LPAR1: variants seen among roughly 807,000 people sequenced by gnomAD.
LPAR1 encodes LPA receptor 1.
In LPAR1, 5 loss-of-function variants were observed where a neutral mutation model predicts 23.8. The ratio of observed to expected loss-of-function variants is 0.21; its 90% CI spans 0.11 to 0.44. The LOEUF (loss-of-function observed/expected upper bound fraction) is 0.44. Among genes scored for constraint, LPAR1 ranks in the 20% least tolerant of loss-of-function variants. The pLI is 0.99. For synonymous variants in LPAR1, 160 were observed against 164.7 expected, an observed-to-expected ratio of 0.97 and a Z score of 0.22; for missense variants, 311 against 482.8, an observed-to-expected ratio of 0.64 and a Z score of 3.33.
At chr9:110,959,423 C>G (rs2095876374) in intron 4 of LPAR1, among the ~76,000 whole-genome samples, 1 of 151,804 alleles carries the variant, frequency 6.6e-6, no homozygotes, top group Non-Finnish European at 1.5e-5. Context: ...CAAGACCAGC[C>G]TGGGCAACAC....
intron 4 of LPAR1, among the ~76,000 whole-genome samples, chr9:110,954,179 A>G (rs2095660217): frequency 1.3e-5 from 2 of 152,300 alleles, no homozygotes; most frequent in South Asian, 4.1e-4. Flanking sequence ...AATACATTCA[A>G]AAAGCTTCAA....
intron 2 of LPAR1, among the ~76,000 whole-genome samples, chr9:110,974,110 G>A (rs1433179062): frequency 6.6e-6 from 1 of 151,766 alleles, no homozygotes. Context: ...AGTGAGCCGA[G>A]ATCGTGCCAC....
intron 2 of LPAR1, among the ~76,000 whole-genome samples, chr9:110,990,122 A>G (rs1409985781): frequency 6.6e-6 from 1 of 152,168 alleles, no homozygotes; most frequent in Middle Eastern, 3.2e-3. Context: ...AGTAAAAACG[A>G]GTAACTGGAT....
At chr9:111,034,226 C>T (rs903022443) in intron 2 of LPAR1, among the ~76,000 whole-genome samples, 25 of 152,236 alleles carry the variant, frequency 1.6e-4, no homozygotes, top group African/African-American at 4.8e-4. Flanking sequence ...CTATCATTTA[C>T]AGAGGCATTA....
intron 2 of LPAR1, among the ~76,000 whole-genome samples, chr9:111,027,352 A>ATAAG (rs1198692516): frequency 6.6e-6 from 1 of 152,062 alleles, no homozygotes; most frequent in Non-Finnish European, 1.5e-5. Context: ...AAATAAATAA[A>ATAAG]TAACCAAACA....
intron 2 of LPAR1, among the ~76,000 whole-genome samples, chr9:111,008,752 T>C (rs898329377): frequency 6.6e-6 from 1 of 152,166 alleles, no homozygotes; most frequent in Non-Finnish European, 1.5e-5. Flanking sequence ...GGGGATGACC[T>C]GAATTCCTAC....
In LPAR1 at chr9:110,923,118, C is replaced by T. The variant is rs61503905; in HGVS notation, c.793+18303G>A. 4.7e-3 allele frequency among the ~76,000 whole-genome samples: 717 copies of T among 152,168 alleles called. 6 individuals carry two copies. Among genetic ancestry groups the T allele is most frequent in the African/African-American group, 0.016 (676 of 41,510 alleles). On this transcript the variant is annotated intron_variant, in intron 5 of 5. Transcript: ENST00000683809. ...GTCCTAGAAGCATCATGGGTCCTGA[C>T]CCTTGTGGTCTGGTCCTGCTCAAGA...
At chr9:111,002,939 G>A (rs900748515) in intron 2 of LPAR1, among the ~76,000 whole-genome samples, 18 of 152,006 alleles carry the variant, frequency 1.2e-4, no homozygotes, top group African/African-American at 4.1e-4. Flanking sequence ...AGGAGTTTGA[G>A]ACCAGCCTGG....
chr9:110,997,131 C>CTATGA (rs2097027796), intron 2 of LPAR1, among the ~76,000 whole-genome samples: 1 of 152,118 alleles, frequency 6.6e-6, no homozygotes, highest in African/African-American at 2.4e-5. Flanking sequence ...TGTATTGTGT[C>CTATGA]TATGAAAGGA....
intron 4 of LPAR1, among the ~76,000 whole-genome samples, chr9:110,969,797 T>C (rs950600829): frequency 6.6e-6 from 1 of 152,222 alleles, no homozygotes; most frequent in African/African-American, 2.4e-5. Flanking sequence ...CTTTCTACTA[T>C]TGGATATTCA....
chr9:110,963,844 T>A (rs143458135), intron 4 of LPAR1, among the ~76,000 whole-genome samples: 35 of 152,308 alleles, frequency 2.3e-4, no homozygotes, highest in African/African-American at 8.4e-4. Context: ...AAAATAAAGC[T>A]GAAAAAGACC....
intron 4 of LPAR1, among the ~76,000 whole-genome samples, chr9:110,949,345 T>C (rs2095496241): frequency 6.6e-6 from 1 of 152,184 alleles, no homozygotes; most frequent in Non-Finnish European, 1.5e-5. Flanking sequence ...GAATGTCAGA[T>C]AATAAATGAT....
At chr9:110,923,083 G>A (rs944855521) in intron 5 of LPAR1, among the ~76,000 whole-genome samples, 3 of 151,816 alleles carry the variant, frequency 2.0e-5, no homozygotes, top group Admixed American at 6.6e-5. Context: ...AAGGAGACTT[G>A]CCCCACTGAG....
At chr9:110,886,866 C>T (rs1232981163) in intron 5 of LPAR1, among the ~76,000 whole-genome samples, 1 of 152,138 alleles carries the variant, frequency 6.6e-6, no homozygotes, top group African/African-American at 2.4e-5. Context: ...AGACCAACAT[C>T]ATCTAACTTA....
At chr9:110,947,346 T>C (rs1216659706) in intron 4 of LPAR1, among the ~76,000 whole-genome samples, 1 of 152,256 alleles carries the variant, frequency 6.6e-6, no homozygotes, top group Non-Finnish European at 1.5e-5. Context: ...GATAGCATTA[T>C]TCCCAAATTC....
intron 4 of LPAR1, among the ~76,000 whole-genome samples, chr9:110,964,853 C>CTTTTTTTTTTTT (rs35426082): frequency 3.0e-5 from 2 of 67,072 alleles, no homozygotes; most frequent in Non-Finnish European, 2.7e-5. Flanking sequence ...ACACCAATCA[C>CTTTTTTTTTTTT]TTTTTTTTTT....
intron 5 of LPAR1, among the ~76,000 whole-genome samples, chr9:110,940,066 C>T (rs1449739224): frequency 2.6e-5 from 4 of 152,212 alleles, no homozygotes; most frequent in African/African-American, 9.7e-5. Flanking sequence ...TGTAGTTCTA[C>T]TAATCTTCAT....
intron 2 of LPAR1, among the ~76,000 whole-genome samples, chr9:110,988,527 A>G (rs906104497): frequency 1.3e-5 from 2 of 152,144 alleles, no homozygotes; most frequent in Non-Finnish European, 2.9e-5. Context: ...AAACAGACAA[A>G]TGGCTAACAA....
At chr9:110,950,962 T>C (rs772729254) in intron 4 of LPAR1, among the ~76,000 whole-genome samples, 3 of 152,162 alleles carry the variant, frequency 2.0e-5, no homozygotes, top group Non-Finnish European at 4.4e-5. Context: ...CGTTATTGAA[T>C]ACTACATTTT....
Sources: gnomAD v4.1 joint callset for allele counts (sites outside exome capture counted in the v4.1 genomes callset) on GRCh38, gnomAD v4.1.1 for gene constraint, MANE v1.5 for transcripts, NCBI Gene and HGNC (gene_info 2026-07-23, HGNC 2026-07-21) for gene names.